The following NUP153 variants were observed in gnomAD, a reference collection of about 807,000 sequenced individuals.
The protein encoded by NUP153 is nuclear pore complex protein Nup153.
A neutral mutation model predicts 134.6 loss-of-function variants in NUP153; 27 were observed. The observed-to-expected ratio is 0.20, with a 90% CI of 0.15 to 0.28. The LOEUF (loss-of-function observed/expected upper bound fraction) is 0.28, where lower values mean the gene tolerates loss of function less well. Ranked by LOEUF, NUP153 falls within the 10% of genes least tolerant of loss-of-function variation. NUP153 has a pLI of 1.00. For missense variants in NUP153, 1,821 were observed against 1,731.3 expected (o/e 1.05, Z -0.92); for synonymous variants, 640 against 623.5 (o/e 1.03, Z -0.40).
chr6:17,653,761 A>G (rs927736226), intron 11 of NUP153, among the ~76,000 whole-genome samples: 1 of 152,228 alleles, frequency 6.6e-6, no homozygotes, highest in African/African-American at 2.4e-5. Context: ...GAGAAGGAGG[A>G]CAACTGAAAT....
Position 17,626,127 on chromosome 6 carries a change from G to C in NUP153, c.3582C>G (p.Asn1194Lys). Residue 1194 changes from asparagine to lysine, a missense_variant, in exon 19 of 22, where the codon AAC becomes AAG. Coordinates refer to ENST00000262077, the MANE Select transcript of NUP153 (RefSeq NM_005124.4). The stretch of plus-strand genomic sequence containing the variant: ...GTGTACTTGAACTAGAGGAACTGTT[G>C]TTCAAGAAACTAAAAACTGGCTTTG... The part of the protein sequence containing the change: ...GAAKPVFSFL[N>K]NSSSSSSTPA... 6.2e-7 allele frequency: 1 copy of C among 1,613,152 alleles called. No individual in the cohort carries two copies. Among genetic ancestry groups the C allele is most frequent in the East Asian group, 2.2e-5 (1 of 44,876 alleles).
chr6:17,634,197 C>CG (rs1259436685), intron 16 of NUP153, among the ~76,000 whole-genome samples: 1 of 152,168 alleles, frequency 6.6e-6, no homozygotes, highest in African/African-American at 2.4e-5. Flanking sequence ...TGAAATCCAT[C>CG]TTCCTCTGAA....
rs1767753046 is a variant in NUP153 at position 17,669,325 on chromosome 6, T to C, written c.982A>G (p.Ile328Val). 6.2e-7 allele frequency: 1 copy of C among 1,610,564 alleles called. No homozygotes were observed. The highest frequency in any genetic ancestry group is 1.3e-5 in the African/African-American group (1 of 74,866). The stretch of plus-strand genomic sequence containing the variant: ...AGAGGAGAAGAAACAATGGATGGAA[T>C]TCTTTTTGCATCCTGTTAAAGTTGA... The part of the protein sequence containing the change: ...MSSPLADAKR[I>V]PSIVSSPLNS... The change falls in exon 7 of 22, where the codon ATT becomes GTT. Residue 328 changes from isoleucine (I) to valine (V), a missense_variant. Physicochemically the swap from Ile to Val is conservative, Grantham distance 29. Coordinates refer to ENST00000262077, the MANE Select transcript of NUP153 (RefSeq NM_005124.4).
At chr6:17,620,384 G>A (rs376217772) in intron 20 of NUP153, among the ~76,000 whole-genome samples, 3 of 152,122 alleles carry the variant, frequency 2.0e-5, no homozygotes, top group East Asian at 1.9e-4. Flanking sequence ...ACAAGAACAC[G>A]CATTGGGAAA....
At chr6:17,665,703 T>G (rs987390926) in intron 8 of NUP153, among the ~76,000 whole-genome samples, 1 of 151,746 alleles carries the variant, frequency 6.6e-6, no homozygotes, top group Non-Finnish European at 1.5e-5. Context: ...GCACTACAGA[T>G]CAAACCTTTT....
intron 1 of NUP153, among the ~76,000 whole-genome samples, chr6:17,705,061 T>A (rs139122342): frequency 7.7e-4 from 117 of 152,332 alleles, no homozygotes; most frequent in Non-Finnish European, 1.5e-3. Context: ...CCGACCCAAA[T>A]CTTTACTTTT....
intron 9 of NUP153, among the ~76,000 whole-genome samples, chr6:17,662,311 G>A (rs1767239155): frequency 6.6e-6 from 1 of 152,276 alleles, no homozygotes; most frequent in South Asian, 2.1e-4. Context: ...GTAGTATACA[G>A]ACAATACACT....
At chr6:17,685,364 G>A (rs890164594) in intron 2 of NUP153, among the ~76,000 whole-genome samples, 1 of 152,006 alleles carries the variant, frequency 6.6e-6, no homozygotes, top group African/African-American at 2.4e-5. Flanking sequence ...TGGCTAACAC[G>A]GAGAAACCCC....
chr6:17,658,717 T>A (rs774298937), intron 11 of NUP153, among the ~76,000 whole-genome samples: 1 of 152,166 alleles, frequency 6.6e-6, no homozygotes, highest in Non-Finnish European at 1.5e-5. Context: ...ATTTAAAAAA[T>A]TGTTTTGAAG....
intron 11 of NUP153, among the ~76,000 whole-genome samples, chr6:17,655,061 A>C (rs1766730147): frequency 6.6e-6 from 1 of 152,224 alleles, no homozygotes; most frequent in Admixed American, 6.5e-5. Flanking sequence ...CTCCAAACTC[A>C]AGTCTTCTTA....
At chr6:17,651,835 T>A (rs977655146) in intron 11 of NUP153, 2 of 650,456 alleles carry the variant, frequency 3.1e-6, no homozygotes, top group Non-Finnish European at 5.8e-6. Context: ...AGCACATACC[T>A]GTAATCTCAG....
At chr6:17,621,293 G>A (rs999370691) in intron 20 of NUP153, among the ~76,000 whole-genome samples, 2 of 152,174 alleles carry the variant, frequency 1.3e-5, no homozygotes, top group African/African-American at 4.8e-5. Context: ...AAAACAGTAA[G>A]GAAGTTTCTC....
chr6:17,632,557 G>C, intron 17 of NUP153, 93 bp downstream of exon 17: 11 of 844,288 alleles, frequency 1.3e-5, no homozygotes, highest in South Asian at 1.9e-5. Flanking sequence ...GAGAATGAGT[G>C]AACACTGAAG....
In NUP153 at chr6:17,638,799, T is replaced by TA. The variant is rs1456328970; in HGVS notation, c.1847-1030dup. Reference sequence around the variant, plus strand: ...AGACTATACACATTTGAGGCTTGCCTACTACTTGGTTAATTCCAGCACAAG... The same window carrying TA: ...AGACTATACACATTTGAGGCTTGCCTAACTACTTGGTTAATTCCAGCACAAG... On this transcript the variant is annotated intron_variant, in intron 15 of 21. Coordinates refer to ENST00000262077, the MANE Select transcript of NUP153 (RefSeq NM_005124.4). The surrounding 1 kb of genome is among the most constrained non-coding windows in gnomAD (Gnocchi z 4.0). 3.3e-5 allele frequency among the ~76,000 whole-genome samples: 5 copies of TA among 152,206 alleles called. No individual in the cohort carries two copies. The highest frequency in any genetic ancestry group is 2.1e-4 in the South Asian group (1 of 4,836).
In NUP153 at chr6:17,637,150, T is replaced by C; in HGVS notation, c.2464+3A>G. ...AAATTACTCCATAAAGCCAAAAACA[T>C]ACCTGGTTTCTCAGACATACAGGAC... is the stretch of plus-strand genomic sequence containing the variant. On this transcript the variant is annotated splice_donor_region_variant and intron_variant, in intron 16 of 21. Coordinates refer to ENST00000262077, the MANE Select transcript of NUP153 (RefSeq NM_005124.4). The C allele has an allele frequency of 1.3e-6, 2 of 1,598,542 alleles. No homozygotes were observed. The highest frequency in any genetic ancestry group is 1.1e-5 in the South Asian group (1 of 90,224).
At position 17,638,005 on chromosome 6, in the gene NUP153, C is replaced by T. The variant is rs1765650244; in HGVS notation, c.1847-235G>A. On this transcript the variant is annotated intron_variant, in intron 15 of 21. Coordinates refer to ENST00000262077, the MANE Select transcript of NUP153 (RefSeq NM_005124.4). This position sits in a 1 kb window ranked among gnomAD's most constrained non-coding sequence, Gnocchi z 4.0. ...TGTTTTGTTTACAGGATATCACCTTCTCCTTCAAGGAATTTCTAGTTTGAT... is the reference window on the plus strand; with the variant it reads ...TGTTTTGTTTACAGGATATCACCTTTTCCTTCAAGGAATTTCTAGTTTGAT... Among the ~76,000 whole-genome samples the T allele has an allele frequency of 1.3e-5, 2 of 152,220 alleles. No homozygotes were observed. Among genetic ancestry groups the T allele is most frequent in the South Asian group, 4.1e-4 (2 of 4,834 alleles).
intron 1 of NUP153, among the ~76,000 whole-genome samples, chr6:17,701,844 G>A (rs80043733): frequency 0.14 from 11,159 of 81,712 alleles, 2,492 homozygotes; most frequent in East Asian, 0.44. Context: ...GGGGGGGGGG[G>A]AAAAAAGCTA....
rs566905982 is a variant in NUP153 at position 17,703,439 on chromosome 6, T to C, written c.111+2838A>G. On this transcript the variant is annotated intron_variant, in intron 1 of 21. Transcript: ENST00000262077. ...TGTTTCTTACTCCAACTTTCTGCTA[T>C]ACTACCAAAAGCTTAATTTTTGCCC... is the stretch of plus-strand genomic sequence containing the variant. Among the ~76,000 whole-genome samples, 18 of 152,214 alleles carry C rather than the reference T, an allele frequency of 1.2e-4. No individual in the cohort carries two copies. In the East Asian group the frequency reaches 1.5e-3, roughly 13 times the overall value.
At chr6:17,662,175 G>T in intron 9 of NUP153, 105 bp from the exon 10 acceptor site, 2 of 1,030,512 alleles carry the variant, frequency 1.9e-6, no homozygotes, top group Non-Finnish European at 2.9e-6. Context: ...GGAATTTGAT[G>T]GCTTTTTAGT....
Sources: gnomAD v4.1 joint callset for allele counts (sites outside exome capture counted in the v4.1 genomes callset) on GRCh38, gnomAD v4.1.1 for gene constraint, Gnocchi (gnomAD v3.1) non-coding constraint, MANE v1.5 for transcripts, NCBI Gene and HGNC (gene_info 2026-07-23, HGNC 2026-07-21) for gene names.